The following GRIK4 variants were observed in gnomAD, a reference collection of about 807,000 sequenced individuals.
GRIK4 encodes glutamate ionotropic receptor kainate type subunit 4.
Under a neutral mutation model 104.9 loss-of-function variants are expected in GRIK4, and 40 were observed. That is an observed-to-expected ratio of 0.38 (90% CI 0.30 to 0.50). The LOEUF is 0.50. GRIK4 is among the 20% of genes least tolerant of loss of function. The pLI is 0.93. For missense variants in GRIK4, 1,047 were observed against 1,308.1 expected (o/e 0.80, Z 3.08); for synonymous variants, 485 against 524.9 (o/e 0.92, Z 1.04).
At chr11:120,860,638 A>T (rs1361106821) in intron 8 of GRIK4, among the ~76,000 whole-genome samples, 1 of 152,160 alleles carries the variant, frequency 6.6e-6, no homozygotes, top group Non-Finnish European at 1.5e-5. Context: ...CACTAACTGC[A>T]AGCTTCCTGA....
At chr11:120,608,658 G>C (rs996805532) in intron 1 of GRIK4, among the ~76,000 whole-genome samples, 3 of 152,210 alleles carry the variant, frequency 2.0e-5, no homozygotes. Flanking sequence ...TGTGTAGGTT[G>C]TGATGAAGCA....
intron 3 of GRIK4, among the ~76,000 whole-genome samples, chr11:120,670,566 C>T (rs1178117420): frequency 6.6e-6 from 1 of 152,272 alleles, no homozygotes; most frequent in Non-Finnish European, 1.5e-5. Flanking sequence ...ACCTGCTGTG[C>T]CCTCTGCCTG....
At chr11:120,847,088 C>CTAA (rs1953869721) in intron 8 of GRIK4, among the ~76,000 whole-genome samples, 1 of 152,328 alleles carries the variant, frequency 6.6e-6, no homozygotes, top group African/African-American at 2.4e-5. Context: ...TGCCAAGGTG[C>CTAA]TAATGTCCAT....
chr11:120,942,236 G>C (rs1464316591), intron 14 of GRIK4, among the ~76,000 whole-genome samples: 1 of 152,196 alleles, frequency 6.6e-6, no homozygotes, highest in African/African-American at 2.4e-5. Flanking sequence ...CTTGGAGCTA[G>C]TTGAGGGCTG....
chr11:120,863,536 G>A (rs1275023353), intron 9 of GRIK4, among the ~76,000 whole-genome samples: 1 of 152,238 alleles, frequency 6.6e-6, no homozygotes, highest in African/African-American at 2.4e-5. Context: ...TTGAATGAAT[G>A]AGTGAGTGAG....
intron 3 of GRIK4, among the ~76,000 whole-genome samples, chr11:120,770,150 G>A (rs1225754182): frequency 6.6e-6 from 1 of 152,104 alleles, no homozygotes; most frequent in Non-Finnish European, 1.5e-5. Flanking sequence ...AGTCCCCATG[G>A]GTGCAATAGG....
In GRIK4 at chr11:120,716,575, G is replaced by T. The variant is rs116213167; in HGVS notation, c.82+56175G>T. ...TATGTGAATTGAGTGACTGCTATGT[G>T]CAGGCTCAGAGCTATGGTACAAAAG... is the stretch of plus-strand genomic sequence containing the variant. On this transcript the variant is annotated intron_variant, in intron 3 of 20. Transcript: ENST00000527524. Among the ~76,000 whole-genome samples the T allele has an allele frequency of 4.9e-3, 751 of 152,308 alleles. 7 individuals are homozygous for T. Among genetic ancestry groups the T allele is most frequent in the African/African-American group, 0.017 (712 of 41,566 alleles).
chr11:120,864,988 C>T (rs7925542), intron 9 of GRIK4, among the ~76,000 whole-genome samples: 4,182 of 152,342 alleles, frequency 0.027, 216 homozygotes, highest in African/African-American at 0.094. Flanking sequence ...GTGAATTATA[C>T]CTGACCATCT....
chr11:120,872,687 C>T (rs935932329), intron 9 of GRIK4: 6 of 155,226 alleles, frequency 3.9e-5, no homozygotes, highest in Non-Finnish European at 8.6e-5. Flanking sequence ...CACCTGCCTT[C>T]CTGGACCCCC....
intron 13 of GRIK4, among the ~76,000 whole-genome samples, chr11:120,938,317 A>G (rs554342965): frequency 6.6e-6 from 1 of 152,360 alleles, no homozygotes; most frequent in East Asian, 1.9e-4. Flanking sequence ...ACTTGCTAGC[A>G]GTCATCAGCA....
In GRIK4 at chr11:120,952,935, C is replaced by T. The variant is rs766268012; in HGVS notation, c.1671C>T (p.Ala557=). 14 of 1,613,358 alleles carry T rather than the reference C, an allele frequency of 8.7e-6. No individual in the cohort carries two copies. In the Admixed American group the frequency reaches 1.5e-4, roughly 17 times the overall value. The change falls in exon 15 of 21, where the codon GCC becomes GCT. Residue 557 remains alanine, a synonymous_variant. Transcript: ENST00000527524. This position sits in a 1 kb window ranked among gnomAD's most constrained non-coding sequence, Gnocchi z 5.2. The stretch of plus-strand genomic sequence containing the variant: ...TCTTCATGCTTCTAGCCTATCTGGC[C>T]GTCAGCTGTGTCCTCTTCCTGGTGG... The part of the protein sequence containing the change: ...VWLFMLLAYL[A]VSCVLFLVAR...
At chr11:120,818,720 T>G (rs1953026136) in intron 5 of GRIK4, among the ~76,000 whole-genome samples, 1 of 152,204 alleles carries the variant, frequency 6.6e-6, no homozygotes, top group African/African-American at 2.4e-5. Flanking sequence ...CAGGATAAGT[T>G]GTGGGCCAGA....
In GRIK4 at chr11:120,825,836, T is replaced by G. The variant is rs560054498; in HGVS notation, c.511+5916T>G. On this transcript the variant is annotated intron_variant, in intron 6 of 20. Coordinates refer to ENST00000527524, the MANE Select transcript of GRIK4 (RefSeq NM_014619.5). ...AACACGATACCACATTTAATTACTG[T>G]TATTTTATTCTGCAACTCTGCTTAT... Among the ~76,000 whole-genome samples, 20 of 152,340 alleles carry G rather than the reference T, an allele frequency of 1.3e-4. No homozygotes were observed. The South Asian group carries it at 3.9e-3, about 30-fold the overall frequency.
intron 1 of GRIK4, among the ~76,000 whole-genome samples, chr11:120,551,133 A>AG (rs1293271049): frequency 1.3e-5 from 2 of 152,074 alleles, no homozygotes; most frequent in African/African-American, 2.4e-5. Flanking sequence ...ACATGGAGGG[A>AG]GGGCAGAGAA....
At chr11:120,877,462 G>A (rs1225634736) in intron 11 of GRIK4, among the ~76,000 whole-genome samples, 34 of 152,192 alleles carry the variant, frequency 2.2e-4, no homozygotes, top group East Asian at 1.9e-4. Context: ...CCCTGAATAG[G>A]TGAAGCTGCC....
intron 12 of GRIK4, among the ~76,000 whole-genome samples, chr11:120,904,177 A>G (rs1942813099): frequency 6.6e-6 from 1 of 151,930 alleles, no homozygotes; most frequent in Non-Finnish European, 1.5e-5. Flanking sequence ...TACATGTGCA[A>G]TCTCTGGCCC....
intron 19 of GRIK4, among the ~76,000 whole-genome samples, chr11:120,973,847 A>G (rs1944516054): frequency 2.0e-5 from 3 of 152,196 alleles, no homozygotes; most frequent in Admixed American, 2.0e-4. Flanking sequence ...TATGGTATAT[A>G]ATTCGTTGTT....
At chr11:120,593,181 C>CAAAA (rs563165078) in intron 1 of GRIK4, among the ~76,000 whole-genome samples, 1 of 102,228 alleles carries the variant, frequency 9.8e-6, no homozygotes, top group Non-Finnish European at 2.0e-5. Flanking sequence ...GACTCTGTCT[C>CAAAA]AAAAAAAAAA....
intron 1 of GRIK4, among the ~76,000 whole-genome samples, chr11:120,539,714 G>A (rs1342077353): frequency 1.3e-5 from 2 of 152,194 alleles, no homozygotes; most frequent in Non-Finnish European, 2.9e-5. Flanking sequence ...CAGCTGAACA[G>A]AGTCACCAAA....
Sources: allele counts gnomAD v4.1 joint callset (sites outside exome capture counted in the v4.1 genomes callset), GRCh38; gene constraint gnomAD v4.1.1; non-coding constraint Gnocchi (gnomAD v3.1); transcripts MANE v1.5; gene names NCBI Gene and HGNC (gene_info 2026-07-23, HGNC 2026-07-21).